Variants in MYO5A observed in about 807,000 individuals in gnomAD.
MYO5A encodes unconventional myosin-Va.
MYO5A carries 98 observed loss-of-function variants against 249.7 expected under a neutral mutation model. That is an observed-to-expected ratio of 0.39 (90% CI 0.33 to 0.46). The LOEUF (loss-of-function observed/expected upper bound fraction) is 0.46. Among genes scored for constraint, MYO5A ranks in the 20% least tolerant of loss-of-function variants. The pLI is 0.98. For synonymous variants in MYO5A, 778 were observed against 810.6 expected (o/e 0.96, Z 0.68); for missense variants, 1,696 against 2,308.8 (o/e 0.73, Z 5.44).
At chr15:52,371,810 C>CA (rs1298549772) in intron 21 of MYO5A, among the ~76,000 whole-genome samples, 12 of 151,794 alleles carry the variant, frequency 7.9e-5, no homozygotes, top group Middle Eastern at 3.4e-3. Context: ...GTTGAGGCTG[C>CA]AGTGAGCTGT....
intron 34 of MYO5A, among the ~76,000 whole-genome samples, chr15:52,333,533 C>G (rs977672026): frequency 2.6e-5 from 4 of 152,122 alleles, no homozygotes; most frequent in African/African-American, 9.7e-5. Flanking sequence ...GTTTTTTCCT[C>G]TTATGAAATA....
chr15:52,483,291 G>A (rs2076751731), intron 1 of MYO5A, among the ~76,000 whole-genome samples: 1 of 152,172 alleles, frequency 6.6e-6, no homozygotes, highest in African/African-American at 2.4e-5. Flanking sequence ...CCATTTTCAG[G>A]TCAGGGCCTC....
intron 4 of MYO5A, among the ~76,000 whole-genome samples, chr15:52,417,319 G>T (rs2043550892): frequency 6.6e-6 from 1 of 152,090 alleles, no homozygotes; most frequent in South Asian, 2.1e-4. Flanking sequence ...CCACAGCAAA[G>T]AAATTTAAAT....
At chr15:52,510,131 C>T (rs1486227775) in intron 1 of MYO5A, among the ~76,000 whole-genome samples, 2 of 151,962 alleles carry the variant, frequency 1.3e-5, no homozygotes, top group Non-Finnish European at 1.5e-5. Flanking sequence ...AGTTCCAGTA[C>T]TCTGGCTGAG....
intron 32 of MYO5A, among the ~76,000 whole-genome samples, 189 bp from the exon 33 acceptor site, chr15:52,338,073 G>A (rs1473595798): frequency 2.6e-5 from 4 of 152,010 alleles, no homozygotes; most frequent in Non-Finnish European, 4.4e-5. Flanking sequence ...AATTACATAT[G>A]TACAGATGTT....
intron 1 of MYO5A, among the ~76,000 whole-genome samples, chr15:52,466,265 G>A (rs1269278665): frequency 1.3e-5 from 2 of 152,282 alleles, no homozygotes; most frequent in East Asian, 3.9e-4. Context: ...TCAGGCTGGG[G>A]CTTGGGGAAC....
rs58764245 is a variant in MYO5A at position 52,405,051 on chromosome 15, TCACACACACA to T, written c.1053+226_1053+235del. 3.0e-3 allele frequency among the ~76,000 whole-genome samples: 425 copies of T among 140,290 alleles called. 3 individuals carry two copies. Among genetic ancestry groups the T allele is most frequent in the African/African-American group, 0.01 (390 of 38,738 alleles). 92.0% of individuals were successfully genotyped at this position (140,290 alleles called of 152,430 possible). On this transcript the variant is annotated intron_variant, in intron 9 of 41. Coordinates refer to ENST00000399233, the MANE Select transcript of MYO5A (RefSeq NM_001382347.1). Reference sequence around the variant, plus strand: ...CCCTCTCTCTTTCTCTCTCTCTCTGTCACACACACACACACACACACACACACACACACAC... The same window carrying T: ...CCCTCTCTCTTTCTCTCTCTCTCTGTCACACACACACACACACACACACAC...
At chr15:52,412,581 T>G (rs1218842658) in intron 5 of MYO5A, among the ~76,000 whole-genome samples, 4 of 152,186 alleles carry the variant, frequency 2.6e-5, no homozygotes, top group African/African-American at 7.2e-5. Context: ...ATTATTTGAT[T>G]CTAAGTTCTG....
intron 29 of MYO5A, among the ~76,000 whole-genome samples, chr15:52,348,181 G>A (rs1371427044): frequency 2.6e-5 from 4 of 152,210 alleles, no homozygotes. Context: ...TGGGCCACCA[G>A]CATTCAGGAA....
intron 1 of MYO5A, among the ~76,000 whole-genome samples, chr15:52,512,741 A>G (rs2077417609): frequency 6.6e-6 from 1 of 152,232 alleles, no homozygotes; most frequent in Admixed American, 6.5e-5. Flanking sequence ...TTTCACACCT[A>G]TTATTAGCAA....
chr15:52,405,502 G>A, intron 8 of MYO5A, 109 bp from the exon 9 acceptor site: 1 of 813,346 alleles, frequency 1.2e-6, no homozygotes, highest in Non-Finnish European at 2.1e-6. Context: ...GCCAGATGTT[G>A]TGCATATTAT....
chr15:52,525,217 C>T (rs1036947611), intron 1 of MYO5A, among the ~76,000 whole-genome samples: 5 of 152,220 alleles, frequency 3.3e-5, no homozygotes, highest in Non-Finnish European at 5.9e-5. Flanking sequence ...AACACATCAA[C>T]ATACTACTCT....
rs1160993440 is a variant in MYO5A, at chr15:52,505,668, C to T, written c.27+23112G>A. Reference sequence around the variant, plus strand: ...AGACAGATATGGCGAAATTAGAGGGCGTCAGAAGCATTCAAGCAGACGTCT... The same window carrying T: ...AGACAGATATGGCGAAATTAGAGGGTGTCAGAAGCATTCAAGCAGACGTCT... On this transcript the variant is annotated intron_variant, in intron 1 of 41. Transcript: ENST00000399233. 46 of 1,223,806 alleles carry T rather than the reference C, an allele frequency of 3.8e-5. 1 individual carries two copies. Among genetic ancestry groups the T allele is most frequent in the Non-Finnish European group, 4.6e-5 (38 of 828,196 alleles). The allele number at this position is 1,223,806 out of a possible 1,614,324, so 75.8% of individuals were successfully genotyped here. A position where few individuals can be genotyped will look rare whatever the true frequency, so the allele number is the denominator to read the frequency against.
intron 2 of MYO5A, 65 bp downstream of exon 2, chr15:52,433,110 T>C (rs2075577919): frequency 2.5e-6 from 3 of 1,204,360 alleles, no homozygotes; most frequent in Non-Finnish European, 3.7e-6. Context: ...TACTTCACAG[T>C]AAATTTACAC....
intron 1 of MYO5A, among the ~76,000 whole-genome samples, chr15:52,523,530 A>T (rs769963231): frequency 3.3e-5 from 5 of 152,216 alleles, no homozygotes; most frequent in Admixed American, 6.5e-5. Context: ...GGGGGCTTAG[A>T]GTATCGTGGG....
rs555516867 is a variant in MYO5A, at chr15:52,475,264, T to G, written c.28-41979A>C. ...TTTATCATTTTTTATTGCATCTATT[T>G]GATTCTTCTCTCTTTTCTTCTTTAG... On this transcript the variant is annotated intron_variant, in intron 1 of 41. Transcript: ENST00000399233. Among the ~76,000 whole-genome samples, 140 of 152,326 alleles carry G rather than the reference T, an allele frequency of 9.2e-4. 1 individual carries two copies. Among genetic ancestry groups the G allele is most frequent in the African/African-American group, 3.2e-3 (132 of 41,574 alleles).
At chr15:52,422,911 G>T (rs1444945763) in intron 4 of MYO5A, among the ~76,000 whole-genome samples, 4 of 152,056 alleles carry the variant, frequency 2.6e-5, no homozygotes, top group African/African-American at 9.7e-5. Flanking sequence ...TAAAGGCAGG[G>T]TCTCACTATG....
intron 1 of MYO5A, among the ~76,000 whole-genome samples, chr15:52,471,708 G>C (rs936490305): frequency 6.6e-6 from 1 of 152,048 alleles, no homozygotes; most frequent in Non-Finnish European, 1.5e-5. Context: ...GGGAGAGCTG[G>C]GGTGGGGTGG....
chr15:52,338,256 G>A (rs2039217402), intron 32 of MYO5A, among the ~76,000 whole-genome samples: 1 of 147,374 alleles, frequency 6.8e-6, no homozygotes, highest in Non-Finnish European at 1.5e-5. Context: ...GCCAGCAGCA[G>A]TGGCAAGAAT....
Sources: gnomAD v4.1 joint callset for allele counts (sites outside exome capture counted in the v4.1 genomes callset) on GRCh38, gnomAD v4.1.1 for gene constraint, MANE v1.5 for transcripts, NCBI Gene and HGNC (gene_info 2026-07-23, HGNC 2026-07-21) for gene names.